Variants in SH3PXD2A observed in about 807,000 individuals in gnomAD.
The protein encoded by SH3PXD2A is SH3 and PX domains 2A.
SH3PXD2A carries 32 observed loss-of-function variants against 115.2 expected under a neutral mutation model. The ratio of observed to expected loss-of-function variants is 0.28; its 90% CI spans 0.21 to 0.37. SH3PXD2A has a LOEUF of 0.37. SH3PXD2A is among the 10% of genes least tolerant of loss of function. The pLI, the probability that SH3PXD2A is intolerant of heterozygous loss-of-function variation, is 1.00. For synonymous variants in SH3PXD2A, 610 were observed against 629.1 expected (o/e 0.97, Z 0.45); for missense variants, 1,328 against 1,498.7 (o/e 0.89, Z 1.88).
At chr10:103,656,518 G>A (rs776817461) in intron 8 of SH3PXD2A, among the ~76,000 whole-genome samples, 3 of 152,216 alleles carry the variant, frequency 2.0e-5, no homozygotes, top group Non-Finnish European at 2.9e-5. Flanking sequence ...ACAGTTAGAA[G>A]AGCATAGCTG....
intron 1 of SH3PXD2A, among the ~76,000 whole-genome samples, chr10:103,804,425 CA>C (rs1227534253): frequency 6.7e-6 from 1 of 149,574 alleles, no homozygotes; most frequent in African/African-American, 2.5e-5. Context: ...GGGTTCACGC[CA>C]TTCTCCTGCC....
chr10:103,764,500 C>T (rs907650589), intron 3 of SH3PXD2A, among the ~76,000 whole-genome samples: 3 of 152,212 alleles, frequency 2.0e-5, no homozygotes, highest in South Asian at 2.1e-4. Flanking sequence ...CAACATCACC[C>T]GCTATGCACA....
intron 5 of SH3PXD2A, among the ~76,000 whole-genome samples, chr10:103,714,574 G>C (rs1376366213): frequency 6.6e-6 from 1 of 152,252 alleles, no homozygotes; most frequent in Non-Finnish European, 1.5e-5. Context: ...CCCCTTTCAA[G>C]TGGGTTGGAC....
Position 103,666,565 on chromosome 10 carries a change from G to A in SH3PXD2A, c.472+2043C>T, listed in dbSNP as rs1484722517. Among the ~76,000 whole-genome samples the A allele has an allele frequency of 1.3e-5, 2 of 152,216 alleles. No homozygotes were observed. Among genetic ancestry groups the A allele is most frequent in the Non-Finnish European group, 2.9e-5 (2 of 68,040 alleles). Reference sequence around the variant, plus strand: ...ATAGTAATTACCTGAAATTCATGATGGAAATGCTTAGAATTAGAGTCCAAA... The same window carrying A: ...ATAGTAATTACCTGAAATTCATGATAGAAATGCTTAGAATTAGAGTCCAAA... On this transcript the variant is annotated intron_variant, in intron 7 of 14. Transcript: ENST00000369774. This position sits in a 1 kb window ranked among gnomAD's most constrained non-coding sequence, Gnocchi z 4.5.
At chr10:103,644,414 T>A (rs1264386997) in intron 8 of SH3PXD2A, among the ~76,000 whole-genome samples, 1 of 152,036 alleles carries the variant, frequency 6.6e-6, no homozygotes, top group Admixed American at 6.6e-5. Context: ...ACCTTGTCTC[T>A]ACTAAAAATG....
chr10:103,695,133 G>A (rs966375178), intron 5 of SH3PXD2A, among the ~76,000 whole-genome samples: 1 of 152,196 alleles, frequency 6.6e-6, no homozygotes, highest in East Asian at 1.9e-4. Context: ...ACCCTCTGCT[G>A]TCCCACAATT....
chr10:103,775,445 G>A (rs949171016), intron 2 of SH3PXD2A, among the ~76,000 whole-genome samples: 4 of 152,184 alleles, frequency 2.6e-5, no homozygotes, highest in Admixed American at 6.5e-5. Context: ...GTTTAGGAAA[G>A]GACAAGATCA....
chr10:103,719,783 G>A (rs1269076292), intron 5 of SH3PXD2A, among the ~76,000 whole-genome samples: 10 of 141,824 alleles, frequency 7.1e-5, no homozygotes, highest in Admixed American at 2.2e-4. Flanking sequence ...GCAGTGGTGC[G>A]ATCTCGGCTC....
intron 14 of SH3PXD2A, 47 bp downstream of exon 14, chr10:103,605,751 T>C: frequency 6.2e-7 from 1 of 1,612,546 alleles, no homozygotes; most frequent in Non-Finnish European, 8.5e-7. Flanking sequence ...CAGTAGGTTT[T>C]CCACCACAAT....
chr10:103,818,309 C>T (rs1181065053), intron 1 of SH3PXD2A, among the ~76,000 whole-genome samples: 1 of 152,174 alleles, frequency 6.6e-6, no homozygotes, highest in African/African-American at 2.4e-5. Flanking sequence ...AGACGCCATG[C>T]TATGTCCATT....
intron 1 of SH3PXD2A, among the ~76,000 whole-genome samples, chr10:103,807,115 C>G (rs1210093071): frequency 6.6e-6 from 1 of 152,182 alleles, no homozygotes; most frequent in Non-Finnish European, 1.5e-5. Context: ...TGATGCAAAC[C>G]AGACTTACAG....
intron 1 of SH3PXD2A, among the ~76,000 whole-genome samples, chr10:103,828,436 G>T (rs185968915): frequency 1.8e-3 from 270 of 152,272 alleles, no homozygotes; most frequent in African/African-American, 5.1e-3. Flanking sequence ...CCTCCCTGGG[G>T]GTGGCCCTGA....
chr10:103,761,244 C>T (rs535935852), intron 3 of SH3PXD2A, among the ~76,000 whole-genome samples: 3 of 152,036 alleles, frequency 2.0e-5, no homozygotes, highest in Non-Finnish European at 4.4e-5. Context: ...AAGATGTTAC[C>T]ATTGGGGGGA....
intron 8 of SH3PXD2A, among the ~76,000 whole-genome samples, chr10:103,654,258 C>T (rs979035049): frequency 3.3e-5 from 5 of 152,188 alleles, no homozygotes; most frequent in African/African-American, 1.2e-4. Context: ...ACAAGGATAA[C>T]TGCCCAAGCA....
intron 6 of SH3PXD2A, among the ~76,000 whole-genome samples, chr10:103,679,404 G>A (rs993984276): frequency 6.6e-6 from 1 of 152,212 alleles, no homozygotes; most frequent in Non-Finnish European, 1.5e-5. Context: ...GGAAGACCTA[G>A]TACCAGTGTC....
At chr10:103,721,827 G>C (rs375811777) in intron 5 of SH3PXD2A, among the ~76,000 whole-genome samples, 2 of 152,108 alleles carry the variant, frequency 1.3e-5, no homozygotes, top group Non-Finnish European at 2.9e-5. Context: ...GGGCAGGAGC[G>C]CAGACAGGTG....
intron 8 of SH3PXD2A, among the ~76,000 whole-genome samples, chr10:103,641,705 G>C (rs1177342054): frequency 2.0e-5 from 3 of 152,160 alleles, no homozygotes. Context: ...CCTGAGTCTT[G>C]GAAGAGTCGA....
intron 8 of SH3PXD2A, among the ~76,000 whole-genome samples, chr10:103,636,248 A>G (rs978648451): frequency 2.6e-5 from 4 of 152,096 alleles, no homozygotes; most frequent in African/African-American, 9.7e-5. Flanking sequence ...CTCTACTGAA[A>G]ATACAAAAAA....
Position 103,602,473 on chromosome 10 carries a change from C to G in SH3PXD2A, c.2745G>C (p.Lys915Asn), listed in dbSNP as rs907916733. Residue 915 changes from lysine to asparagine, a missense_variant, in exon 15 of 15, where the codon AAG becomes AAC. By Grantham distance (94) the Lys-to-Asn change is moderately conservative (BLOSUM62 0). This residue lies in a region of SH3PXD2A where 574 missense variants were observed against 565.7 expected (regional missense o/e 1.01). Transcript: ENST00000369774. ...CTGATTTGCCTTCGTTCTGCCTGCC[C>G]TTGGCGGGCACTGTGTCCAGCTCTT... is the stretch of plus-strand genomic sequence containing the variant. ...SGKELDTVPA[K>N]GRQNEGKSDS... The G allele has an allele frequency of 1.2e-6, 2 of 1,614,036 alleles. No homozygotes were observed. Among genetic ancestry groups the G allele is most frequent in the Non-Finnish European group, 1.7e-6 (2 of 1,180,002 alleles).
Sources: allele counts gnomAD v4.1 joint callset (sites outside exome capture counted in the v4.1 genomes callset), GRCh38; gene constraint gnomAD v4.1.1; regional missense constraint gnomAD v4.1.1; non-coding constraint Gnocchi (gnomAD v3.1); transcripts MANE v1.5; gene names NCBI Gene and HGNC (gene_info 2026-07-23, HGNC 2026-07-21).